ARMC1: variants seen among roughly 807,000 people sequenced by gnomAD.
ARMC1 encodes the protein armadillo repeat-containing protein 1.
In ARMC1, 16 loss-of-function variants were observed where a neutral mutation model predicts 31.4. The observed-to-expected ratio is 0.51, with a 90% CI of 0.34 to 0.77. The LOEUF is 0.77. ARMC1 is among the 30% of genes least tolerant of loss of function. The pLI is 0.01. For missense variants in ARMC1, 259 were observed against 347.5 expected, an observed-to-expected ratio of 0.75 and a Z score of 2.02; for synonymous variants, 114 against 118.9, an observed-to-expected ratio of 0.96 and a Z score of 0.27.
intron 3 of ARMC1, among the ~76,000 whole-genome samples, chr8:65,615,909 G>A (rs1037453655): frequency 7.3e-5 from 11 of 150,844 alleles, no homozygotes; most frequent in African/African-American, 9.8e-5. Flanking sequence ...AAAAAAAGAA[G>A]AAAGAAAAAC....
chr8:65,613,417 C>A lies in ARMC1; in HGVS notation c.292G>T (p.Glu98Ter). ...NVIQKTTTPG[E>*]TKLLASEIYD... is the part of the protein sequence containing the mutation. ...ATTTCAGAGGCCAGAAGTTTTGTTT[C>A]TCCTGGAGTTGTAGTTCTTGAAAAG... Residue 98 changes from glutamate (E) to a stop codon, truncating the protein, a stop_gained, in exon 4 of 7, where the codon GAA (glutamate) becomes TAA (stop). Coordinates refer to ENST00000276569, the MANE Select transcript of ARMC1 (RefSeq NM_018120.6). LOFTEE classifies it high-confidence loss of function. The A allele has an allele frequency of 6.3e-7, 1 of 1,589,912 alleles. No homozygotes were observed. The highest frequency in any genetic ancestry group is 1.2e-5 in the South Asian group (1 of 85,638).
intron 2 of ARMC1, among the ~76,000 whole-genome samples, chr8:65,623,324 A>AAAAAAAAAAAAAAAAGC (rs1554541796): frequency 6.9e-6 from 1 of 144,440 alleles, no homozygotes; most frequent in African/African-American, 2.6e-5. Context: ...AAAAAAAAAA[A>AAAAAAAAAAAAAAAAGC]TGCTGGGCGC....
intron 1 of ARMC1, among the ~76,000 whole-genome samples, chr8:65,627,721 C>T (rs904266464): frequency 7.9e-5 from 12 of 152,200 alleles, no homozygotes; most frequent in African/African-American, 2.9e-4. Flanking sequence ...AAGATCTTTA[C>T]AGTTCAAGCT....
chr8:65,622,666 T>C (rs1241792847), intron 2 of ARMC1, among the ~76,000 whole-genome samples: 2 of 151,714 alleles, frequency 1.3e-5, no homozygotes, highest in Non-Finnish European at 2.9e-5. Context: ...TGAGCTGTGA[T>C]TGCGCCATTG....
At chr8:65,611,468 T>C (rs1245723706) in intron 4 of ARMC1, among the ~76,000 whole-genome samples, 5 of 139,224 alleles carry the variant, frequency 3.6e-5, no homozygotes, top group African/African-American at 1.3e-4. Context: ...AATTTGTTCT[T>C]CTTTTTCTAG....
At chr8:65,624,058 A>G (rs545488674) in intron 2 of ARMC1, among the ~76,000 whole-genome samples, 31 of 151,038 alleles carry the variant, frequency 2.1e-4, no homozygotes, top group Non-Finnish European at 4.1e-4. Context: ...TCGGCCTCCC[A>G]AAGTGCTTGG....
chr8:65,632,047 G>T (rs1808656415), intron 1 of ARMC1, among the ~76,000 whole-genome samples: 1 of 152,146 alleles, frequency 6.6e-6, no homozygotes, highest in Non-Finnish European at 1.5e-5. Context: ...GCCCAGGCTG[G>T]ATGGCAGTGG....
chr8:65,604,487 GTCCTGT>G lies in ARMC1; in HGVS notation c.750_755del (p.Glu250_Gln251del). The G allele has an allele frequency of 6.2e-7, 1 of 1,614,156 alleles. No individual in the cohort carries two copies. The highest frequency in any genetic ancestry group is 8.5e-7 in the Non-Finnish European group (1 of 1,180,026). On this transcript the variant is annotated inframe_deletion, in exon 7 of 7. Coordinates refer to ENST00000276569, the MANE Select transcript of ARMC1 (RefSeq NM_018120.6). ...GTGAGCCGACCCGGGACACCGCTTT[GTCCTGT>G]TCCTTTGTGGGACTCTCATCCTCAG...
intron 3 of ARMC1, among the ~76,000 whole-genome samples, chr8:65,618,039 G>A (rs995706446): frequency 4.6e-5 from 7 of 151,564 alleles, no homozygotes; most frequent in African/African-American, 1.7e-4. Flanking sequence ...TCTCAGCCCC[G>A]TGAGTAGCTG....
chr8:65,617,977 G>A (rs375474090), intron 3 of ARMC1, among the ~76,000 whole-genome samples: 30 of 152,028 alleles, frequency 2.0e-4, no homozygotes, highest in African/African-American at 7.0e-4. Context: ...GTGCAGTGGC[G>A]CAATCTTGGC....
intron 6 of ARMC1, 149 bp from the exon 7 acceptor site, chr8:65,604,734 T>A: frequency 1.5e-6 from 1 of 654,792 alleles, no homozygotes; most frequent in Non-Finnish European, 2.6e-6. Flanking sequence ...GTAAGCAGAG[T>A]ACAAATAAGA....
chr8:65,621,080 A>C (rs1197561713), intron 3 of ARMC1, among the ~76,000 whole-genome samples: 5 of 152,308 alleles, frequency 3.3e-5, no homozygotes, highest in South Asian at 2.1e-4. Context: ...CCTCAGCAAC[A>C]GAGCGAGACC....
intron 2 of ARMC1, among the ~76,000 whole-genome samples, chr8:65,622,792 G>C (rs1006099887): frequency 2.0e-5 from 3 of 151,950 alleles, no homozygotes; most frequent in African/African-American, 7.3e-5. Context: ...GGGAGGCTGA[G>C]GTGGGCAGAT....
intron 3 of ARMC1, among the ~76,000 whole-genome samples, chr8:65,617,410 G>T (rs905800576): frequency 6.6e-6 from 1 of 152,118 alleles, no homozygotes; most frequent in Non-Finnish European, 1.5e-5. Flanking sequence ...TTAAACAGAT[G>T]CTTGAAGGCA....
At chr8:65,617,019 C>G (rs1273013259) in intron 3 of ARMC1, among the ~76,000 whole-genome samples, 1 of 151,102 alleles carries the variant, frequency 6.6e-6, no homozygotes, top group Non-Finnish European at 1.5e-5. Context: ...AGCCCCCGCC[C>G]GGCCAGCCAC....
intron 3 of ARMC1, among the ~76,000 whole-genome samples, chr8:65,619,612 C>T (rs1277501312): frequency 1.3e-5 from 2 of 151,458 alleles, no homozygotes; most frequent in Non-Finnish European, 1.5e-5. Context: ...GTTGGGAGGC[C>T]GAGATAGGAG....
Position 65,604,504 on chromosome 8 carries a change from G to C in ARMC1, c.739C>G (p.Pro247Ala), listed in dbSNP as rs1478622362. ...ACCGCTTTGTCCTGTTCCTTTGTGG[G>C]ACTCTCATCCTCAGGCAGGTAGTCA... is the stretch of plus-strand genomic sequence containing the variant. ...LPDYLPEDES[P>A]TKEQDKAVSR... The change falls in exon 7 of 7, where the codon CCC becomes GCC. Residue 247 changes from proline (P) to alanine (A), a missense_variant. Physicochemically the swap from Pro to Ala is conservative, Grantham distance 27 (BLOSUM62 -1). This residue lies in a region of ARMC1 where 73 missense variants were observed against 100.0 expected (regional missense o/e 0.73). Coordinates refer to ENST00000276569, the MANE Select transcript of ARMC1 (RefSeq NM_018120.6). 4 of 1,614,136 alleles carry C rather than the reference G, an allele frequency of 2.5e-6. No homozygotes were observed. Among genetic ancestry groups the C allele is most frequent in the Non-Finnish European group, 3.4e-6 (4 of 1,180,038 alleles).
intron 4 of ARMC1, among the ~76,000 whole-genome samples, chr8:65,607,000 T>C (rs757544875): frequency 6.6e-6 from 1 of 152,254 alleles, no homozygotes; most frequent in South Asian, 2.1e-4. Context: ...TTTTGATTTA[T>C]ATTTCTGAGG....
At chr8:65,628,782 A>G (rs956907205) in intron 1 of ARMC1, among the ~76,000 whole-genome samples, 1 of 151,140 alleles carries the variant, frequency 6.6e-6, no homozygotes, top group Non-Finnish European at 1.5e-5. Flanking sequence ...TATTAAAGCC[A>G]GGAGGCAGAG....
Sources: gnomAD v4.1 joint callset for allele counts (sites outside exome capture counted in the v4.1 genomes callset) on GRCh38, gnomAD v4.1.1 for gene constraint, gnomAD v4.1.1 regional missense constraint, MANE v1.5 for transcripts, NCBI Gene and HGNC (gene_info 2026-07-23, HGNC 2026-07-21) for gene names.